The following SPATA16 variants were observed in gnomAD, a reference collection of about 807,000 sequenced individuals.
The protein encoded by SPATA16 is spermatogenesis-associated protein 16.
In SPATA16, 36 loss-of-function variants were observed where a neutral mutation model predicts 63.3. The ratio of observed to expected loss-of-function variants is 0.57; its 90% CI spans 0.44 to 0.75. The LOEUF (loss-of-function observed/expected upper bound fraction) is 0.75, where lower values mean the gene tolerates loss of function less well. Ranked by LOEUF, SPATA16 falls within the 30% of genes least tolerant of loss-of-function variation. The probability of loss-of-function intolerance (pLI) is 0.00; values close to 1 mark genes in which losing one functional copy is unlikely to be tolerated. For synonymous variants in SPATA16, 203 were observed against 216.7 expected (o/e 0.94, Z 0.56); for missense variants, 646 against 679.3 (o/e 0.95, Z 0.54).
At chr3:173,011,638 A>G (rs138558371) in intron 4 of SPATA16, among the ~76,000 whole-genome samples, 2 of 152,232 alleles carry the variant, frequency 1.3e-5, no homozygotes, top group African/African-American at 4.8e-5. Context: ...AATAAAAAGC[A>G]TACAAACAGA....
At chr3:173,101,183 C>T (rs377062097) in intron 2 of SPATA16, among the ~76,000 whole-genome samples, 8 of 152,214 alleles carry the variant, frequency 5.3e-5, no homozygotes, top group African/African-American at 1.9e-4. Context: ...ATTGACCTCA[C>T]CTGGCCTAGA....
intron 4 of SPATA16, among the ~76,000 whole-genome samples, chr3:172,979,095 C>T (rs1332067391): frequency 2.6e-5 from 4 of 152,182 alleles, no homozygotes; most frequent in Non-Finnish European, 5.9e-5. Flanking sequence ...AAATTAGCCA[C>T]GTGTGGCGGC....
intron 10 of SPATA16, among the ~76,000 whole-genome samples, chr3:172,900,683 C>T (rs779475544): frequency 1.2e-4 from 19 of 152,012 alleles, no homozygotes; most frequent in Admixed American, 5.9e-4. Context: ...CACTGTTGCC[C>T]GGGCTGGAGT....
intron 4 of SPATA16, among the ~76,000 whole-genome samples, chr3:172,983,638 G>A (rs1042260028): frequency 1.3e-5 from 2 of 151,912 alleles, no homozygotes; most frequent in Admixed American, 6.6e-5. Flanking sequence ...TAATATTGTT[G>A]CAGAGTGTAT....
At chr3:172,922,023 C>T (rs1356873240) in intron 8 of SPATA16, among the ~76,000 whole-genome samples, 1 of 152,200 alleles carries the variant, frequency 6.6e-6, no homozygotes, top group Non-Finnish European at 1.5e-5. Flanking sequence ...CTTAAAAACA[C>T]TACAGAGGGC....
In SPATA16 at chr3:173,130,308, C is replaced by CGA. The variant is rs1189748184; in HGVS notation, c.-19+10793_-19+10794dup. On this transcript the variant is annotated intron_variant, in intron 1 of 10. Transcript: ENST00000351008. Reference sequence around the variant, plus strand: ...CTGAGAGTCAGAGGTTGCAGTGAGCCGAGATTGTGCCACTGCACTCCAGCC... The same window carrying CGA: ...CTGAGAGTCAGAGGTTGCAGTGAGCCGAGAGATTGTGCCACTGCACTCCAGCC... 9.0e-5 allele frequency among the ~76,000 whole-genome samples: 12 copies of CGA among 132,998 alleles called. 1 individual carries two copies. Among genetic ancestry groups the CGA allele is most frequent in the Admixed American group, 2.8e-4 (3 of 10,738 alleles). The allele number at this position is 132,998 out of a possible 152,430, so 87.3% of individuals were successfully genotyped here.
At chr3:173,088,809 T>C (rs1444416018) in intron 2 of SPATA16, among the ~76,000 whole-genome samples, 1 of 152,204 alleles carries the variant, frequency 6.6e-6, no homozygotes, top group African/African-American at 2.4e-5. Context: ...ACTCAACAAA[T>C]GTTTCTTAAA....
At chr3:173,010,894 A>T (rs1735057272) in intron 4 of SPATA16, among the ~76,000 whole-genome samples, 1 of 151,976 alleles carries the variant, frequency 6.6e-6, no homozygotes, top group Non-Finnish European at 1.5e-5. Flanking sequence ...CTCGAAACCC[A>T]ACTCCCCTAG....
At chr3:173,109,207 C>T (rs1306908186) in intron 2 of SPATA16, among the ~76,000 whole-genome samples, 3 of 152,060 alleles carry the variant, frequency 2.0e-5, no homozygotes, top group Admixed American at 6.6e-5. Context: ...CTCATTTGGC[C>T]CCCTCTTCCA....
intron 2 of SPATA16, among the ~76,000 whole-genome samples, chr3:173,081,933 A>G (rs1736933166): frequency 6.6e-6 from 1 of 152,208 alleles, no homozygotes. Context: ...TTTGAATGCA[A>G]CTGTTTCTTG....
At chr3:173,044,357 T>C (rs1276564860) in intron 3 of SPATA16, among the ~76,000 whole-genome samples, 2 of 152,212 alleles carry the variant, frequency 1.3e-5, no homozygotes, top group African/African-American at 4.8e-5. Flanking sequence ...GTCCTTTCTT[T>C]AGCATTCTCC....
chr3:173,087,614 G>T (rs988352914), intron 2 of SPATA16, among the ~76,000 whole-genome samples: 1 of 152,078 alleles, frequency 6.6e-6, no homozygotes. Flanking sequence ...TTGCTTCATC[G>T]TGTCATTGGT....
At chr3:173,130,645 C>T (rs1375727755) in intron 1 of SPATA16, among the ~76,000 whole-genome samples, 2 of 152,118 alleles carry the variant, frequency 1.3e-5, no homozygotes, top group Non-Finnish European at 2.9e-5. Flanking sequence ...AAAAAATGAT[C>T]TGTTTATCTA....
intron 2 of SPATA16, among the ~76,000 whole-genome samples, chr3:173,070,394 CAAA>C (rs34180269): frequency 6.5e-5 from 6 of 92,966 alleles, no homozygotes; most frequent in Admixed American, 2.4e-4. Flanking sequence ...GACTCTGTCT[CAAA>C]AAAAAAAAAA....
intron 10 of SPATA16, among the ~76,000 whole-genome samples, chr3:172,898,495 A>G (rs1732055361): frequency 6.6e-6 from 1 of 151,960 alleles, no homozygotes; most frequent in Non-Finnish European, 1.5e-5. Flanking sequence ...TCAAATTTAT[A>G]TATGTAGAAT....
chr3:173,041,048 A>G (rs1735828215), intron 3 of SPATA16, among the ~76,000 whole-genome samples: 1 of 152,118 alleles, frequency 6.6e-6, no homozygotes, highest in African/African-American at 2.4e-5. Context: ...TGGAATATTT[A>G]ATGTGATCTT....
intron 9 of SPATA16, 89 bp from the exon 10 acceptor site, chr3:172,913,833 A>G: frequency 8.9e-7 from 1 of 1,128,384 alleles, no homozygotes. Context: ...TTAAAAAATC[A>G]TTTGTACGCT....
chr3:172,922,758 T>C (rs1389847569), intron 8 of SPATA16, among the ~76,000 whole-genome samples: 1 of 151,996 alleles, frequency 6.6e-6, no homozygotes, highest in Non-Finnish European at 1.5e-5. Flanking sequence ...CTGTCTCTAC[T>C]AAAAATACAA....
intron 2 of SPATA16, among the ~76,000 whole-genome samples, chr3:173,102,219 A>C (rs1419628946): frequency 6.6e-6 from 1 of 152,194 alleles, no homozygotes; most frequent in African/African-American, 2.4e-5. Context: ...ATTAAAATAC[A>C]TTTAAGCTAA....
Sources: allele counts gnomAD v4.1 joint callset (sites outside exome capture counted in the v4.1 genomes callset), GRCh38; gene constraint gnomAD v4.1.1; transcripts MANE v1.5; gene names NCBI Gene and HGNC (gene_info 2026-07-23, HGNC 2026-07-21).